The following ACTN2 variants were observed in gnomAD, a reference collection of about 807,000 sequenced individuals.
ACTN2 encodes the protein alpha-actinin-2.
Under a neutral mutation model 113.8 loss-of-function variants are expected in ACTN2, and 39 were observed. The ratio of observed to expected loss-of-function variants is 0.34; its 90% CI spans 0.27 to 0.45. The LOEUF (loss-of-function observed/expected upper bound fraction) is 0.45. Ranked by LOEUF, ACTN2 falls within the 20% of genes least tolerant of loss-of-function variation. The pLI, the probability that ACTN2 is intolerant of heterozygous loss-of-function variation, is 1.00. For synonymous variants in ACTN2, 429 were observed against 444.1 expected (o/e 0.97, Z 0.43); for missense variants, 992 against 1,177.9 (o/e 0.84, Z 2.31).
chr1:236,706,884 T>C (rs1301105392), intron 1 of ACTN2, among the ~76,000 whole-genome samples: 2 of 152,212 alleles, frequency 1.3e-5, no homozygotes, highest in Non-Finnish European at 2.9e-5. Context: ...TTCTGAGTGA[T>C]GGCAGAGGTG....
chr1:236,698,848 T>C (rs1042027520), intron 1 of ACTN2, among the ~76,000 whole-genome samples: 13 of 152,352 alleles, frequency 8.5e-5, no homozygotes, highest in Non-Finnish European at 1.9e-4. Flanking sequence ...TTTAACCTTA[T>C]GTATGATTTT....
intron 1 of ACTN2, among the ~76,000 whole-genome samples, chr1:236,709,881 A>T (rs562852104): frequency 6.6e-6 from 1 of 152,204 alleles, no homozygotes; most frequent in Non-Finnish European, 1.5e-5. Flanking sequence ...ATCTGAAATG[A>T]TTATTTTATG....
intron 6 of ACTN2, 38 bp downstream of exon 6, chr1:236,727,794 A>G: frequency 6.3e-7 from 1 of 1,597,882 alleles, no homozygotes; most frequent in Non-Finnish European, 8.6e-7. Flanking sequence ...GTCCCCAGCC[A>G]CGCGTCTCAG....
rs1337069615 is a variant in ACTN2, at chr1:236,735,704, T to C, written c.767T>C (p.Phe256Ser). ...TACGTCTCTTGCTTCTACCACGCTT[T>C]TGCGGGCGCGGAGCAGGTACTCAAC... The part of the protein sequence containing the change: ...MTYVSCFYHA[F>S]AGAEQAETAA... Residue 256 changes from phenylalanine to serine, a missense_variant, in exon 8 of 21, where the codon TTT (phenylalanine) becomes TCT (serine). By Grantham distance (155) the Phe-to-Ser change is radical. Coordinates refer to ENST00000366578, the MANE Select transcript of ACTN2 (RefSeq NM_001103.4). 4.3e-6 allele frequency: 7 copies of C among 1,614,116 alleles called. No homozygotes were observed. The African/African-American group carries it at 9.3e-5, about 22-fold the overall frequency.
chr1:236,715,337 T>TGA (rs1376810439), intron 1 of ACTN2, among the ~76,000 whole-genome samples: 1 of 126,938 alleles, frequency 7.9e-6, no homozygotes, highest in Admixed American at 9.3e-5. Context: ...CTTGAAGTTT[T>TGA]ATACCAAAGA....
chr1:236,741,975 T>TCCTTC (rs1659082574), intron 10 of ACTN2, among the ~76,000 whole-genome samples: 2 of 152,146 alleles, frequency 1.3e-5, no homozygotes, highest in South Asian at 2.1e-4. Flanking sequence ...CTGCCTGCCG[T>TCCTTC]CCTTCCCGCA....
intron 18 of ACTN2, 113 bp from the exon 19 acceptor site, chr1:236,759,611 G>A (rs1322515617): frequency 3.5e-6 from 3 of 858,394 alleles, no homozygotes; most frequent in Non-Finnish European, 4.0e-6. Flanking sequence ...TGACATTTAC[G>A]ACCTTGGCAG....
intron 1 of ACTN2, among the ~76,000 whole-genome samples, chr1:236,694,923 C>T (rs939214197): frequency 2.6e-5 from 4 of 151,692 alleles, no homozygotes; most frequent in African/African-American, 7.3e-5. Flanking sequence ...AAAAATTAGC[C>T]GGTATGGTGG....
At position 236,711,798 on chromosome 1, in the gene ACTN2, CAG is replaced by C. The variant is rs957603677; in HGVS notation, c.127-6056_127-6055del. Among the ~76,000 whole-genome samples, 4 of 152,194 alleles carry C rather than the reference CAG, an allele frequency of 2.6e-5. 1 individual carries two copies. Among genetic ancestry groups the C allele is most frequent in the Admixed American group, 1.3e-4 (2 of 15,276 alleles). On this transcript the variant is annotated intron_variant, in intron 1 of 20. Coordinates refer to ENST00000366578, the MANE Select transcript of ACTN2 (RefSeq NM_001103.4). ...ATATTTATGGCTAGGTGCAGAGAAA[CAG>C]AGAATAAGCTGTTATTCAGGAGAGA...
At chr1:236,690,162 G>A (rs1666029714) in intron 1 of ACTN2, among the ~76,000 whole-genome samples, 1 of 152,162 alleles carries the variant, frequency 6.6e-6, no homozygotes, top group Non-Finnish European at 1.5e-5. Flanking sequence ...CTGGCATTTA[G>A]GCAAATGTGT....
intron 7 of ACTN2, chr1:236,734,381 A>G: frequency 1.5e-6 from 2 of 1,310,776 alleles, no homozygotes; most frequent in Non-Finnish European, 2.1e-6. Flanking sequence ...GCTTAGCAGA[A>G]GCCTGCTGGT....
intron 1 of ACTN2, among the ~76,000 whole-genome samples, chr1:236,705,219 T>A (rs1558225586): frequency 6.6e-6 from 1 of 151,534 alleles, no homozygotes; most frequent in African/African-American, 2.4e-5. Context: ...TATATATATA[T>A]AAAAAATATC....
rs911943689 is a variant in ACTN2, at chr1:236,764,061, G to C, written c.*1442G>C. On this transcript the variant is annotated 3_prime_UTR_variant, in exon 21 of 21. Transcript: ENST00000366578. ...CATGTCTGTTACCTACAGTCTGTTT[G>C]CTCAGATTTTTATAGATTTCCACCA... 6.6e-6 allele frequency: 1 copy of C among 152,114 alleles called. No homozygotes were observed. Among genetic ancestry groups the C allele is most frequent in the Non-Finnish European group, 1.5e-5 (1 of 68,026 alleles). 9.4% of individuals were successfully genotyped at this position (152,114 alleles called of 1,614,324 possible).
intron 6 of ACTN2, 135 bp downstream of exon 6, chr1:236,727,891 C>T: frequency 1.3e-6 from 1 of 794,736 alleles, no homozygotes. Context: ...AAAGCACATT[C>T]TCCCAGCTAG....
At chr1:236,749,049 A>C in intron 13 of ACTN2, 75 bp from the exon 14 acceptor site, 1 of 1,500,808 alleles carries the variant, frequency 6.7e-7, no homozygotes, top group Middle Eastern at 1.7e-4. Context: ...GTCTGTTCTT[A>C]TGGAACGCCT....
intron 7 of ACTN2, among the ~76,000 whole-genome samples, chr1:236,731,808 G>A (rs1233693633): frequency 6.6e-6 from 1 of 152,160 alleles, no homozygotes; most frequent in Non-Finnish European, 1.5e-5. Flanking sequence ...TTCACATATT[G>A]TTTTTAATTC....
At chr1:236,717,376 G>A (rs895353136) in intron 1 of ACTN2, among the ~76,000 whole-genome samples, 3 of 152,144 alleles carry the variant, frequency 2.0e-5, no homozygotes, top group Non-Finnish European at 4.4e-5. Flanking sequence ...GGTTGAGGCT[G>A]CAGTGAGCCA....
intron 1 of ACTN2, among the ~76,000 whole-genome samples, chr1:236,689,318 TATATATATATATATATATATAC>T (rs1255320428): frequency 0.013 from 461 of 35,166 alleles, 8 homozygotes; most frequent in African/African-American, 0.028. Flanking sequence ...TATATATATA[TATATATATATATATATATATAC>T]ACACACATAT....
At position 236,754,153 on chromosome 1, in the gene ACTN2, C is replaced by T; in HGVS notation, c.1974+72C>T. 1 of 1,584,030 alleles carries T rather than the reference C, an allele frequency of 6.3e-7. No individual in the cohort carries two copies. Reference sequence around the variant, plus strand: ...TCCCTTTAGCCACGCAGCAGTGACACCGCACATGCTGTGGTTTCCAGCCAC... The same window carrying T: ...TCCCTTTAGCCACGCAGCAGTGACATCGCACATGCTGTGGTTTCCAGCCAC... On this transcript the variant is annotated intron_variant, in intron 16 of 20. Coordinates refer to ENST00000366578, the MANE Select transcript of ACTN2 (RefSeq NM_001103.4). This position sits in a 1 kb window ranked among gnomAD's most constrained non-coding sequence, Gnocchi z 4.9.
Sources: allele counts gnomAD v4.1 joint callset (sites outside exome capture counted in the v4.1 genomes callset), GRCh38; gene constraint gnomAD v4.1.1; non-coding constraint Gnocchi (gnomAD v3.1); transcripts MANE v1.5; gene names NCBI Gene and HGNC (gene_info 2026-07-23, HGNC 2026-07-21).